RFT1: variants seen among roughly 807,000 people sequenced by gnomAD.
The protein encoded by RFT1 is RFT1 glycolipid translocator homolog, also known as man(5)GlcNAc(2)-PP-dolichol translocation protein RFT1.
Under a neutral mutation model 62.2 loss-of-function variants are expected in RFT1, and 43 were observed. The ratio of observed to expected loss-of-function variants is 0.69; its 90% CI spans 0.54 to 0.89. RFT1 has a LOEUF of 0.89. RFT1 is among the 40% of genes least tolerant of loss of function. The pLI is 0.00. For synonymous variants in RFT1, 262 were observed against 264.6 expected, an observed-to-expected ratio of 0.99 and a Z score of 0.10; for missense variants, 605 against 649.9, an observed-to-expected ratio of 0.93 and a Z score of 0.75.
At chr3:53,094,374 C>T (rs1701082901) in intron 11 of RFT1, among the ~76,000 whole-genome samples, 1 of 151,954 alleles carries the variant, frequency 6.6e-6, no homozygotes, top group Non-Finnish European at 1.5e-5. Flanking sequence ...CACACACACA[C>T]ACACACACAC....
the RFT1 span, among the ~76,000 whole-genome samples, chr3:53,081,593 A>G: frequency 6.6e-6 from 1 of 152,182 alleles, no homozygotes; most frequent in Non-Finnish European, 1.5e-5. Context: ...TGAGGCACAG[A>G]GAGGCAAGAT....
At chr3:53,079,058 C>T in the RFT1 span, among the ~76,000 whole-genome samples, 1 of 152,234 alleles carries the variant, frequency 6.6e-6, no homozygotes, top group Non-Finnish European at 1.5e-5. Flanking sequence ...GGATCAACAG[C>T]AGGTCCTCTG....
At chr3:53,070,298 C>T in the RFT1 span, among the ~76,000 whole-genome samples, 36 of 151,396 alleles carry the variant, frequency 2.4e-4, no homozygotes, top group Non-Finnish European at 8.8e-5. Flanking sequence ...GCCTGTAATC[C>T]CAGCACTTTG....
chr3:53,120,123 GC>G, intron 5 of RFT1, 102 bp from the exon 6 acceptor site: 5 of 1,044,580 alleles, frequency 4.8e-6, no homozygotes, highest in Non-Finnish European at 6.8e-6. Context: ...TTGATTAACT[GC>G]ACTTTCTATT....
intron 7 of RFT1, among the ~76,000 whole-genome samples, chr3:53,107,142 T>TG (rs1174680110): frequency 6.6e-6 from 1 of 150,384 alleles, no homozygotes; most frequent in Non-Finnish European, 1.5e-5. Flanking sequence ...AAAGGTTTTT[T>TG]TTTTTTTTTT....
chr3:53,108,946 G>C (rs533798231), intron 7 of RFT1, among the ~76,000 whole-genome samples: 81 of 152,278 alleles, frequency 5.3e-4, no homozygotes, highest in African/African-American at 1.8e-3. Flanking sequence ...TGGGATTACA[G>C]GCGTGAGCCA....
Position 53,098,750 on chromosome 3 carries a change from A to C in RFT1, c.1208+631T>G, listed in dbSNP as rs535543003. Among the ~76,000 whole-genome samples, 83 of 143,766 alleles carry C rather than the reference A, an allele frequency of 5.8e-4. No homozygotes were observed. The South Asian group carries it at 9.6e-3, about 17-fold the overall frequency. The allele number at this position is 143,766 out of a possible 152,430, so 94.3% of individuals were successfully genotyped here. A position where few individuals can be genotyped will look rare whatever the true frequency, so the allele number is the denominator to read the frequency against. On this transcript the variant is annotated intron_variant, in intron 11 of 12. Coordinates refer to ENST00000296292, the MANE Select transcript of RFT1 (RefSeq NM_052859.4). ...CTGGGAGGCAGAGCTTGCAGTGAGC[A>C]GAGACTGCGCCACTGCACTCAAGCC... is the stretch of plus-strand genomic sequence containing the variant.
At chr3:53,124,815 T>A (rs9861233) in intron 2 of RFT1, among the ~76,000 whole-genome samples, 39,330 of 151,076 alleles carry the variant, frequency 0.26, 5,446 homozygotes, top group Middle Eastern at 0.39. Context: ...CTACAAAAAA[T>A]AAAAAAATTA....
chr3:53,123,439 C>T (rs886596517), intron 3 of RFT1, among the ~76,000 whole-genome samples: 3 of 152,220 alleles, frequency 2.0e-5, no homozygotes, highest in Non-Finnish European at 2.9e-5. Context: ...TGGTCAGAAA[C>T]AGCAAGAAAC....
At chr3:53,099,687 G>C (rs1701256277) in intron 10 of RFT1, among the ~76,000 whole-genome samples, 2 of 152,112 alleles carry the variant, frequency 1.3e-5, no homozygotes, top group African/African-American at 4.8e-5. Context: ...TAAATAATCA[G>C]CAAAAAACAA....
At position 53,090,059 on chromosome 3, in the gene RFT1, C is replaced by T. The variant is rs1700949386; in HGVS notation, c.*1844G>A. The T allele has an allele frequency of 6.5e-6, 1 of 152,714 alleles. No individual in the cohort carries two copies. Among genetic ancestry groups the T allele is most frequent in the Non-Finnish European group, 1.5e-5 (1 of 68,100 alleles). The allele number at this position is 152,714 out of a possible 1,614,324, so 9.5% of individuals were successfully genotyped here. A position where few individuals can be genotyped will look rare whatever the true frequency, so the allele number is the denominator to read the frequency against. On this transcript the variant is annotated 3_prime_UTR_variant, in exon 13 of 13. Coordinates refer to ENST00000296292, the MANE Select transcript of RFT1 (RefSeq NM_052859.4). ...TGGCATCAAAGCCACGTGGGCTTGC[C>T]AGAAAAGCCAATCTCAGAGCCCTCC... is the stretch of plus-strand genomic sequence containing the variant.
chr3:53,067,834 C>A, the RFT1 span, among the ~76,000 whole-genome samples: 1 of 152,194 alleles, frequency 6.6e-6, no homozygotes, highest in East Asian at 1.9e-4. Context: ...GAATATCTAA[C>A]CCACTGGCTG....
chr3:53,096,606 C>T (rs1434985314), intron 11 of RFT1, among the ~76,000 whole-genome samples: 1 of 152,006 alleles, frequency 6.6e-6, no homozygotes, highest in Non-Finnish European at 1.5e-5. Context: ...TCACTTGAAC[C>T]TGGGAGGCGG....
At chr3:53,067,512 G>A in the RFT1 span, among the ~76,000 whole-genome samples, 15 of 152,172 alleles carry the variant, frequency 9.9e-5, no homozygotes, top group Admixed American at 1.3e-4. Flanking sequence ...GGACATTGGC[G>A]GGGAAGGGGC....
the RFT1 span, among the ~76,000 whole-genome samples, chr3:53,070,444 C>T: frequency 7.4e-6 from 1 of 134,760 alleles, no homozygotes; most frequent in South Asian, 2.4e-4. Flanking sequence ...CTCTGTCGCC[C>T]AGGCTGAAGT....
downstream of RFT1, among the ~76,000 whole-genome samples, chr3:53,084,457 T>G (rs1327447010): frequency 6.6e-6 from 1 of 152,192 alleles, no homozygotes; most frequent in Non-Finnish European, 1.5e-5. Context: ...CCGCACACTA[T>G]TAGTTCCACA....
At chr3:53,103,749 T>A in intron 10 of RFT1, 1 of 627,574 alleles carries the variant, frequency 1.6e-6, no homozygotes, top group South Asian at 1.9e-5. Context: ...GGGAAGCTGA[T>A]TGTCCTGGCG....
chr3:53,078,619 G>A, the RFT1 span, among the ~76,000 whole-genome samples: 1 of 152,138 alleles, frequency 6.6e-6, no homozygotes, highest in Non-Finnish European at 1.5e-5. Context: ...GCTCATGCCT[G>A]TGGTCCCAGC....
intron 1 of RFT1, among the ~76,000 whole-genome samples, chr3:53,129,918 T>C (rs192833244): frequency 6.6e-6 from 1 of 152,308 alleles, no homozygotes; most frequent in Non-Finnish European, 1.5e-5. Flanking sequence ...AGATTTCTCT[T>C]CTTAGCTATG....
Sources: allele counts gnomAD v4.1 joint callset (sites outside exome capture counted in the v4.1 genomes callset), GRCh38; gene constraint gnomAD v4.1.1; transcripts MANE v1.5; gene names NCBI Gene and HGNC (gene_info 2026-07-23, HGNC 2026-07-21).